Variants in SNTB2 observed in about 807,000 individuals in gnomAD.
The protein encoded by SNTB2 is beta-2-syntrophin.
A neutral mutation model predicts 46.2 loss-of-function variants in SNTB2; 34 were observed. The observed-to-expected ratio is 0.74, with a 90% confidence interval of 0.56 to 0.98. SNTB2 has a LOEUF of 0.98. Among genes scored for constraint, SNTB2 ranks in the 50% least tolerant of loss-of-function variants. The pLI, the probability that SNTB2 is intolerant of heterozygous loss-of-function variation, is 0.00. For missense variants in SNTB2, 603 were observed against 731.4 expected (o/e 0.82, Z 2.02); for synonymous variants, 290 against 312.6 (o/e 0.93, Z 0.76).
At chr16:69,190,351 T>C (rs1964038443) in intron 1 of SNTB2, among the ~76,000 whole-genome samples, 1 of 152,170 alleles carries the variant, frequency 6.6e-6, no homozygotes, top group Non-Finnish European at 1.5e-5. Context: ...TTGCCTGTGG[T>C]TAAGGAATTG....
rs1965323779 is a variant in SNTB2, at chr16:69,307,328, T to C, written c.*6404T>C. 1 of 152,232 alleles carries C rather than the reference T, an allele frequency of 6.6e-6. No homozygotes were observed. The highest frequency in any genetic ancestry group is 1.5e-5 in the Non-Finnish European group (1 of 68,046). 9.4% of individuals were successfully genotyped at this position (152,232 alleles called of 1,614,324 possible). On this transcript the variant is annotated 3_prime_UTR_variant, in exon 7 of 7. Transcript: ENST00000336278. ...ACTCAGGCTTTGATCCATGCCAACA[T>C]GAAAGGACTCCAAGCACATTTAAGT...
Position 69,304,691 on chromosome 16 carries a change from TCTCA to T in SNTB2, c.*3771_*3774del, listed in dbSNP as rs1190948988. 1.3e-5 allele frequency: 2 copies of T among 151,978 alleles called. No homozygotes were observed. Among genetic ancestry groups the T allele is most frequent in the Non-Finnish European group, 2.9e-5 (2 of 67,992 alleles). The allele number at this position is 151,978 out of a possible 1,614,324, so 9.4% of individuals were successfully genotyped here. A position where few individuals can be genotyped will look rare whatever the true frequency, so the allele number is the denominator to read the frequency against. ...TCCTTCTTTTTTTTTTGAGACAGGTTCTCACTCTGTCACCGAGGTTGGAGTGCAG... is the reference window on the plus strand; with the variant it reads ...TCCTTCTTTTTTTTTTGAGACAGGTTCTCTGTCACCGAGGTTGGAGTGCAG... On this transcript the variant is annotated 3_prime_UTR_variant, in exon 7 of 7. Transcript: ENST00000336278.
intron 5 of SNTB2, among the ~76,000 whole-genome samples, chr16:69,296,319 T>C (rs1480899281): frequency 6.6e-6 from 1 of 151,936 alleles, no homozygotes; most frequent in Admixed American, 6.6e-5. Flanking sequence ...AAGCTCAATA[T>C]CTAGACCTAA....
chr16:69,252,670 T>C (rs1299011257), intron 2 of SNTB2, among the ~76,000 whole-genome samples: 3 of 152,230 alleles, frequency 2.0e-5, no homozygotes, highest in Non-Finnish European at 4.4e-5. Context: ...TACAGAATCC[T>C]GTGTACCTAA....
intron 5 of SNTB2, among the ~76,000 whole-genome samples, chr16:69,296,450 G>A (rs1965224911): frequency 6.6e-6 from 1 of 151,856 alleles, no homozygotes; most frequent in African/African-American, 2.4e-5. Context: ...GCCGGTCGCG[G>A]TGGCTCATGC....
chr16:69,271,366 A>T (rs1484819042), intron 4 of SNTB2, among the ~76,000 whole-genome samples: 4 of 152,042 alleles, frequency 2.6e-5, no homozygotes, highest in African/African-American at 7.2e-5. Flanking sequence ...TTTCTCTTTT[A>T]AAAAAATAAG....
chr16:69,258,002 C>A (rs1218945386), intron 2 of SNTB2, among the ~76,000 whole-genome samples: 2 of 152,104 alleles, frequency 1.3e-5, no homozygotes, highest in African/African-American at 2.4e-5. Context: ...ATTTGCAATA[C>A]AAAATATGAC....
At chr16:69,241,489 G>A (rs1233503383) in intron 1 of SNTB2, among the ~76,000 whole-genome samples, 3 of 148,742 alleles carry the variant, frequency 2.0e-5, no homozygotes, top group Non-Finnish European at 3.0e-5. Context: ...GCCTAGATAA[G>A]CTTTAAAAAG....
rs1241007554 is a variant in SNTB2, at chr16:69,284,127, C to T, written c.1228C>T (p.Gln410Ter). ...LTFATRTGSRQGIEMHLFRVE... is the reference protein window; with the variant it reads ...LTFATRTGSR ...ATTTGCTACCAGGACAGGCTCTCGA[C>T]AGGGCATTGAGATGCATCTCTTCAG... Residue 410 changes from glutamine (Q) to a stop codon, truncating the protein, a stop_gained, in exon 5 of 7, where the codon CAG (glutamine) becomes TAG (stop). Coordinates refer to ENST00000336278, the MANE Select transcript of SNTB2 (RefSeq NM_006750.4). LOFTEE classifies it high-confidence loss of function. 6.2e-7 allele frequency: 1 copy of T among 1,613,954 alleles called. No individual in the cohort carries two copies.
At chr16:69,242,097 C>T (rs1964622303) in intron 1 of SNTB2, among the ~76,000 whole-genome samples, 1 of 152,028 alleles carries the variant, frequency 6.6e-6, no homozygotes, top group South Asian at 2.1e-4. Flanking sequence ...GTTTTTGAAG[C>T]CTCAAGATTT....
At chr16:69,242,590 T>C (rs78219786) in intron 1 of SNTB2, among the ~76,000 whole-genome samples, 3,501 of 152,318 alleles carry the variant, frequency 0.023, 138 homozygotes, top group African/African-American at 0.08. Context: ...ACTATTGATA[T>C]TTTGATTAAG....
At chr16:69,246,308 A>G (rs1315486761) in intron 2 of SNTB2, among the ~76,000 whole-genome samples, 3 of 152,066 alleles carry the variant, frequency 2.0e-5, no homozygotes, top group East Asian at 3.8e-4. Context: ...TTCTGCATCT[A>G]TTGAGATAAT....
At chr16:69,237,888 C>G (rs182455655) in intron 1 of SNTB2, among the ~76,000 whole-genome samples, 24 of 152,282 alleles carry the variant, frequency 1.6e-4, no homozygotes, top group African/African-American at 5.8e-4. Flanking sequence ...CCGGCATGAG[C>G]CACCATGCCT....
chr16:69,198,098 A>ATT (rs34676761), intron 1 of SNTB2, among the ~76,000 whole-genome samples: 51 of 128,372 alleles, frequency 4.0e-4, no homozygotes, highest in South Asian at 5.0e-4. Context: ...AACAGAGTTG[A>ATT]TTTTTTTTTT....
chr16:69,286,713 GAAAA>G (rs111268474), intron 5 of SNTB2, among the ~76,000 whole-genome samples: 5 of 114,562 alleles, frequency 4.4e-5, no homozygotes, highest in East Asian at 2.5e-4. Context: ...TTAATTAAAT[GAAAA>G]AAAAAAAAAA....
chr16:69,259,452 C>G (rs1286355285), intron 2 of SNTB2, among the ~76,000 whole-genome samples: 1 of 151,546 alleles, frequency 6.6e-6, no homozygotes, highest in African/African-American at 2.4e-5. Flanking sequence ...CCAGACTGGC[C>G]TCAAACTCCT....
At position 69,299,713 on chromosome 16, in the gene SNTB2, T is replaced by C; in HGVS notation, c.1469T>C (p.Met490Thr). ...CGCTACCCCTTTGAAAGGCTGAAGATGTCTGCTGATGATGGCATCCGAAAT... is the reference window on the plus strand; with the variant it reads ...CGCTACCCCTTTGAAAGGCTGAAGACGTCTGCTGATGATGGCATCCGAAAT... ...LYRYPFERLK[M>T]SADDGIRNLY... Residue 490 changes from methionine (M) to threonine (T), a missense_variant, in exon 6 of 7, where the codon ATG becomes ACG. By Grantham distance (81) the Met-to-Thr change is moderately conservative (BLOSUM62 -1). Around this residue, in one of 2 missense-constraint regions of SNTB2, gnomAD observed 537 missense variants for 692.4 expected, o/e 0.78. Coordinates refer to ENST00000336278, the MANE Select transcript of SNTB2 (RefSeq NM_006750.4). 1 of 1,614,176 alleles carries C rather than the reference T, an allele frequency of 6.2e-7. No homozygotes were observed. Among genetic ancestry groups the C allele is most frequent in the East Asian group, 2.2e-5 (1 of 44,876 alleles).
rs749540446 is a variant in SNTB2 at position 69,307,568 on chromosome 16, T to C, written c.*6644T>C. On this transcript the variant is annotated 3_prime_UTR_variant, in exon 7 of 7. Transcript: ENST00000336278. Reference sequence around the variant, plus strand: ...AAATGCATATTTTATCAACCCCTTATTTCTAATTGCTGTATTCATTTCCAC... The same window carrying C: ...AAATGCATATTTTATCAACCCCTTACTTCTAATTGCTGTATTCATTTCCAC... 6 of 152,230 alleles carry C rather than the reference T, an allele frequency of 3.9e-5. No individual in the cohort carries two copies. Among genetic ancestry groups the C allele is most frequent in the Admixed American group, 1.3e-4 (2 of 15,282 alleles). The allele number at this position is 152,230 out of a possible 1,614,324, so 9.4% of individuals were successfully genotyped here. A position where few individuals can be genotyped will look rare whatever the true frequency, so the allele number is the denominator to read the frequency against.
chr16:69,284,522 C>T (rs1271543952), intron 5 of SNTB2, among the ~76,000 whole-genome samples: 1 of 145,152 alleles, frequency 6.9e-6, no homozygotes, highest in East Asian at 2.0e-4. Flanking sequence ...GCCTGTAATC[C>T]CAGAGCTTTG....
Sources: allele counts gnomAD v4.1 joint callset (sites outside exome capture counted in the v4.1 genomes callset), GRCh38; gene constraint gnomAD v4.1.1; regional missense constraint gnomAD v4.1.1; transcripts MANE v1.5; gene names NCBI Gene and HGNC (gene_info 2026-07-23, HGNC 2026-07-21).